Variants in STX8 observed in about 807,000 individuals in gnomAD.
The protein encoded by STX8 is syntaxin 8.
A neutral mutation model predicts 37.5 loss-of-function variants in STX8; 23 were observed. The observed-to-expected ratio is 0.61, with a 90% confidence interval of 0.44 to 0.87. The LOEUF (loss-of-function observed/expected upper bound fraction) is 0.87, where lower values mean the gene tolerates loss of function less well. Among genes scored for constraint, STX8 ranks in the 40% least tolerant of loss-of-function variants. STX8 has a pLI of 0.00. For missense variants in STX8, 313 were observed against 284.7 expected, an observed-to-expected ratio of 1.10 and a Z score of -0.71; for synonymous variants, 115 against 99.1, an observed-to-expected ratio of 1.16 and a Z score of -0.95.
rs1425258470 is a variant in STX8 at position 9,491,948 on chromosome 17, C to T, written c.449-27G>A. On this transcript the variant is annotated intron_variant, in intron 5 of 7. Coordinates refer to ENST00000306357, the MANE Select transcript of STX8 (RefSeq NM_004853.3). ...TGAAAGAAAAAAGAAAAATAATTAACTAGAAACTAGAAGAAAACAACTTAA... is the reference window on the plus strand; with the variant it reads ...TGAAAGAAAAAAGAAAAATAATTAATTAGAAACTAGAAGAAAACAACTTAA... The T allele has an allele frequency of 2.6e-6, 4 of 1,535,042 alleles. No individual in the cohort carries two copies. In the Admixed American group the frequency reaches 7.2e-5, roughly 28 times the overall value.
At chr17:9,441,222 T>C (rs1904635771) in intron 6 of STX8, among the ~76,000 whole-genome samples, 1 of 152,082 alleles carries the variant, frequency 6.6e-6, no homozygotes, top group Non-Finnish European at 1.5e-5. Context: ...CTGGGCACGG[T>C]GGCTCACACC....
At chr17:9,270,287 A>C (rs898200368) in intron 7 of STX8, among the ~76,000 whole-genome samples, 2 of 152,104 alleles carry the variant, frequency 1.3e-5, no homozygotes, top group African/African-American at 2.4e-5. Context: ...CTCTGTCGCC[A>C]AGGCTGGAGT....
chr17:9,478,286 C>G (rs1417083080), intron 6 of STX8, among the ~76,000 whole-genome samples: 2 of 152,126 alleles, frequency 1.3e-5, no homozygotes, highest in African/African-American at 4.8e-5. Flanking sequence ...CAGGCGTGCA[C>G]CATCACACCC....
At chr17:9,565,286 G>C (rs1239617932) in intron 2 of STX8, among the ~76,000 whole-genome samples, 1 of 152,082 alleles carries the variant, frequency 6.6e-6, no homozygotes, top group African/African-American at 2.4e-5. Flanking sequence ...CAGGGCTACA[G>C]TAACCAAAAC....
intron 6 of STX8, among the ~76,000 whole-genome samples, chr17:9,489,691 CT>C (rs4063411): frequency 0.014 from 1,827 of 127,388 alleles, 57 homozygotes; most frequent in African/African-American, 0.051. Context: ...GCTTACTTTC[CT>C]TTTTTTTTTT....
chr17:9,433,809 G>C (rs185061455), intron 6 of STX8, among the ~76,000 whole-genome samples: 1 of 152,130 alleles, frequency 6.6e-6, no homozygotes, highest in African/African-American at 2.4e-5. Context: ...GGAAAGTGAG[G>C]AAGAGTTTAA....
intron 4 of STX8, among the ~76,000 whole-genome samples, chr17:9,541,733 C>G (rs1906285547): frequency 6.7e-6 from 1 of 148,802 alleles, no homozygotes; most frequent in Non-Finnish European, 1.5e-5. Context: ...AATCTTGAAC[C>G]CTCTGAGCCT....
At position 9,433,171 on chromosome 17, in the gene STX8, T is replaced by C. The variant is rs544014178; in HGVS notation, c.542-54518A>G. Among the ~76,000 whole-genome samples, 54 of 152,340 alleles carry C rather than the reference T, an allele frequency of 3.5e-4. 1 individual carries two copies. The highest frequency in any genetic ancestry group is 1.3e-3 in the African/African-American group (54 of 41,580). Reference sequence around the variant, plus strand: ...CGTCATAATGCACTCCTAAGATTTATTCTTTGACACTAGCGTTTTGATGTG... The same window carrying C: ...CGTCATAATGCACTCCTAAGATTTACTCTTTGACACTAGCGTTTTGATGTG... On this transcript the variant is annotated intron_variant, in intron 6 of 7. Transcript: ENST00000306357.
At chr17:9,446,083 T>A (rs1037859690) in intron 6 of STX8, among the ~76,000 whole-genome samples, 2 of 152,020 alleles carry the variant, frequency 1.3e-5, no homozygotes, top group East Asian at 1.9e-4. Context: ...TGATCTGCCC[T>A]CCTCAGCCTC....
chr17:9,430,754 A>G (rs1485736430), intron 6 of STX8, among the ~76,000 whole-genome samples: 1 of 149,110 alleles, frequency 6.7e-6, no homozygotes, highest in African/African-American at 2.5e-5. Flanking sequence ...GGCTCAAGTG[A>G]TTCTCCTGCC....
At chr17:9,425,044 G>A (rs757142251) in intron 6 of STX8, among the ~76,000 whole-genome samples, 18 of 152,200 alleles carry the variant, frequency 1.2e-4, no homozygotes, top group Non-Finnish European at 2.1e-4. Context: ...ACCTGTGGCT[G>A]ATACTGATGA....
chr17:9,448,244 A>T (rs899835969), intron 6 of STX8, among the ~76,000 whole-genome samples: 7 of 152,160 alleles, frequency 4.6e-5, no homozygotes, highest in African/African-American at 1.7e-4. Flanking sequence ...TACTTGCTAA[A>T]ACTTATTTGT....
chr17:9,512,910 C>G (rs574490633), intron 4 of STX8, among the ~76,000 whole-genome samples: 5 of 152,044 alleles, frequency 3.3e-5, no homozygotes, highest in African/African-American at 2.4e-5. Flanking sequence ...AATGTAAAAC[C>G]CAAAACCATA....
chr17:9,503,159 A>G (rs187456657), intron 5 of STX8, among the ~76,000 whole-genome samples: 46 of 150,854 alleles, frequency 3.0e-4, no homozygotes, highest in African/African-American at 1.0e-3. Context: ...AACCAGTTCA[A>G]TGAATCTTAA....
At chr17:9,292,335 C>T (rs1443457082) in intron 7 of STX8, among the ~76,000 whole-genome samples, 1 of 152,224 alleles carries the variant, frequency 6.6e-6, no homozygotes, top group East Asian at 1.9e-4. Context: ...GCGTGGGAGA[C>T]CTGCAGCTTA....
intron 6 of STX8, among the ~76,000 whole-genome samples, chr17:9,389,491 A>G (rs57685458): frequency 4.5e-4 from 69 of 152,360 alleles, no homozygotes; most frequent in African/African-American, 1.5e-3. Context: ...AATGGACAAA[A>G]TGGAACAACG....
intron 7 of STX8, among the ~76,000 whole-genome samples, chr17:9,376,203 GCT>G (rs909621739): frequency 1.3e-5 from 2 of 152,068 alleles, no homozygotes; most frequent in East Asian, 1.9e-4. Flanking sequence ...ACCAATCAGC[GCT>G]CTGTGTCTCG....
rs764948168 is a variant in STX8, at chr17:9,298,842, C to CAAAA, written c.644-48198_644-48197insTTTT. On this transcript the variant is annotated intron_variant, in intron 7 of 7. Transcript: ENST00000306357. ...ACAAACAAAACAAAACAAAACAAAA[C>CAAAA]CAAACCAAACCTGAGTAGCATCTGT... Among the ~76,000 whole-genome samples the CAAAA allele has an allele frequency of 9.3e-3, 1,415 of 152,184 alleles. 28 individuals are homozygous for CAAAA. The highest frequency in any genetic ancestry group is 0.031 in the African/African-American group (1,270 of 41,506).
intron 6 of STX8, among the ~76,000 whole-genome samples, chr17:9,445,895 TG>T (rs1904834139): frequency 1.3e-5 from 2 of 148,478 alleles, no homozygotes; most frequent in South Asian, 4.3e-4. Flanking sequence ...TGGAGTGCAG[TG>T]GTGTGATCTC....
Sources: allele counts gnomAD v4.1 joint callset (sites outside exome capture counted in the v4.1 genomes callset), GRCh38; gene constraint gnomAD v4.1.1; transcripts MANE v1.5; gene names NCBI Gene and HGNC (gene_info 2026-07-23, HGNC 2026-07-21).